Variants in MTUS2 observed in about 807,000 individuals in gnomAD.
The protein encoded by MTUS2 is microtubule-associated tumor suppressor candidate 2.
Under a neutral mutation model 114.1 loss-of-function variants are expected in MTUS2, and 40 were observed. That is an observed-to-expected ratio of 0.35 (90% confidence interval 0.27 to 0.46). MTUS2 has a LOEUF of 0.46. Ranked by LOEUF, MTUS2 falls within the 20% of genes least tolerant of loss-of-function variation. The probability of loss-of-function intolerance (pLI) is 1.00; values close to 1 mark genes in which losing one functional copy is unlikely to be tolerated. For missense variants in MTUS2, 1,679 were observed against 1,705.4 expected (o/e 0.98, Z 0.27); for synonymous variants, 688 against 672.0 (o/e 1.02, Z -0.37).
chr13:29,297,482 AG>A (rs916051953), intron 6 of MTUS2, among the ~76,000 whole-genome samples: 32 of 152,320 alleles, frequency 2.1e-4, no homozygotes, highest in African/African-American at 7.5e-4. Flanking sequence ...ACTTCTTTGT[AG>A]CAGGAATCAA....
intron 2 of MTUS2, among the ~76,000 whole-genome samples, chr13:29,022,922 A>G (rs892883023): frequency 4.6e-5 from 7 of 152,212 alleles, no homozygotes; most frequent in Admixed American, 2.0e-4. Flanking sequence ...TTGTGCTGCA[A>G]ATACATAATA....
intron 9 of MTUS2, among the ~76,000 whole-genome samples, chr13:29,476,046 A>G (rs1880678579): frequency 6.6e-6 from 1 of 152,196 alleles, no homozygotes; most frequent in Admixed American, 6.5e-5. Flanking sequence ...TTTATCTTTT[A>G]TACCGTATTT....
intron 10 of MTUS2, chr13:29,484,889 C>G (rs1881482213): frequency 6.6e-6 from 1 of 152,266 alleles, no homozygotes; most frequent in Non-Finnish European, 1.5e-5. Context: ...GGGTGGTCTT[C>G]CAACCCTGTG....
In MTUS2 at chr13:29,327,410, C is replaced by T. The variant is rs138648593; in HGVS notation, c.2905+2699C>T. 2.4e-3 allele frequency among the ~76,000 whole-genome samples: 363 copies of T among 152,228 alleles called. 2 individuals carry two copies. The highest frequency in any genetic ancestry group is 8.4e-3 in the African/African-American group (349 of 41,512). On this transcript the variant is annotated intron_variant, in intron 7 of 15. Transcript: ENST00000612955. ...ACCACCTGCCTACCATTCTACACCC[C>T]CACCCCAAACCCCAGACAACCACTG...
rs1249732736 is a variant in MTUS2 at position 29,389,536 on chromosome 13, CGTGTGT to C, written c.3117+30064_3117+30069del. ...GTGTGTATGTGTATATATGTATACACGTGTGTATATGTATACACGTGTGTATATGTG... is the reference window on the plus strand; with the variant it reads ...GTGTGTATGTGTATATATGTATACACATATGTATACACGTGTGTATATGTG... On this transcript the variant is annotated intron_variant, in intron 8 of 15. Transcript: ENST00000612955. 2.0e-3 allele frequency among the ~76,000 whole-genome samples: 152 copies of C among 77,700 alleles called. 15 individuals carry two copies. In the East Asian group the frequency reaches 0.043, roughly 22 times the overall value. 51.0% of individuals were successfully genotyped at this position (77,700 alleles called of 152,430 possible).
At chr13:29,389,355 A>ACACATATGTGTG (rs1566172568) in intron 8 of MTUS2, among the ~76,000 whole-genome samples, 7 of 82,662 alleles carry the variant, frequency 8.5e-5, no homozygotes, top group Non-Finnish European at 1.1e-4. Context: ...GTGTGTGTAT[A>ACACATATGTGTG]TATGTATGCA....
At chr13:29,169,308 C>T (rs1410131537) in intron 5 of MTUS2, among the ~76,000 whole-genome samples, 1 of 152,032 alleles carries the variant, frequency 6.6e-6, no homozygotes, top group Non-Finnish European at 1.5e-5. Flanking sequence ...AAAAGAAGCA[C>T]ATTGGTAGTA....
At chr13:28,848,245 A>G (rs1445232068) in intron 2 of MTUS2, among the ~76,000 whole-genome samples, 2 of 152,200 alleles carry the variant, frequency 1.3e-5, no homozygotes, top group Non-Finnish European at 2.9e-5. Flanking sequence ...GTATAGCCCA[A>G]TATACAAACA....
intron 2 of MTUS2, among the ~76,000 whole-genome samples, chr13:28,920,372 A>G (rs1880976220): frequency 6.6e-6 from 1 of 152,212 alleles, no homozygotes; most frequent in Admixed American, 6.5e-5. Flanking sequence ...TCTGGATTCC[A>G]GGCAGAGTCT....
intron 2 of MTUS2, among the ~76,000 whole-genome samples, chr13:28,922,283 T>C (rs572191845): frequency 4.6e-5 from 7 of 152,190 alleles, no homozygotes; most frequent in Admixed American, 2.0e-4. Flanking sequence ...CCTTTTTTCT[T>C]TATAAGTTAC....
intron 6 of MTUS2, among the ~76,000 whole-genome samples, chr13:29,310,787 A>C (rs1005451576): frequency 6.6e-6 from 1 of 152,210 alleles, no homozygotes; most frequent in Non-Finnish European, 1.5e-5. Context: ...TGCTGGTGGG[A>C]AAGGAGAAAT....
At chr13:28,896,068 C>T (rs1353317927) in intron 2 of MTUS2, among the ~76,000 whole-genome samples, 2 of 152,052 alleles carry the variant, frequency 1.3e-5, no homozygotes, top group Admixed American at 6.6e-5. Context: ...CTCTGGGCAG[C>T]ATGTGATTGA....
At chr13:29,232,618 A>C (rs1401754889) in intron 5 of MTUS2, among the ~76,000 whole-genome samples, 1 of 152,206 alleles carries the variant, frequency 6.6e-6, no homozygotes, top group Non-Finnish European at 1.5e-5. Context: ...AGTTTGCTTA[A>C]GTGGCTTATT....
chr13:29,158,381 T>G (rs1383249546), intron 5 of MTUS2, among the ~76,000 whole-genome samples: 1 of 141,754 alleles, frequency 7.1e-6, no homozygotes, highest in Non-Finnish European at 1.5e-5. Flanking sequence ...TTTTTTTTTT[T>G]GCTAATTAGC....
At chr13:29,310,305 G>A (rs1480828698) in intron 6 of MTUS2, among the ~76,000 whole-genome samples, 1 of 152,154 alleles carries the variant, frequency 6.6e-6, no homozygotes, top group African/African-American at 2.4e-5. Flanking sequence ...GAATGTCTGG[G>A]CCCTTAATCA....
Position 28,947,899 on chromosome 13 carries a change from A to G in MTUS2, c.-242-76558A>G, listed in dbSNP as rs2138160960. On this transcript the variant is annotated intron_variant, in intron 2 of 15. Transcript: ENST00000612955. Reference sequence around the variant, plus strand: ...CCATTAAAACTTTTTAATACATGGGATGTTTGGCCACATGGTTATTTTTTG... The same window carrying G: ...CCATTAAAACTTTTTAATACATGGGGTGTTTGGCCACATGGTTATTTTTTG... Among the ~76,000 whole-genome samples, 2 of 152,192 alleles carry G rather than the reference A, an allele frequency of 1.3e-5. 1 individual carries two copies. The highest frequency in any genetic ancestry group is 4.1e-4 in the South Asian group (2 of 4,826).
intron 5 of MTUS2, among the ~76,000 whole-genome samples, chr13:29,259,378 C>T (rs180970970): frequency 3.1e-4 from 47 of 152,224 alleles, no homozygotes; most frequent in Non-Finnish European, 4.9e-4. Context: ...TTCAAGTTCA[C>T]GAGGGACTGA....
At chr13:29,083,809 A>G (rs77907342) in intron 4 of MTUS2, among the ~76,000 whole-genome samples, 3,544 of 152,252 alleles carry the variant, frequency 0.023, 132 homozygotes, top group African/African-American at 0.079. Flanking sequence ...TGCCAAGCCA[A>G]TTTTGTATAT....
At chr13:29,066,826 A>T (rs1482590775) in intron 4 of MTUS2, among the ~76,000 whole-genome samples, 4 of 152,264 alleles carry the variant, frequency 2.6e-5, no homozygotes, top group African/African-American at 9.6e-5. Context: ...AGACATGTGC[A>T]GAATGCACAG....
Sources: gnomAD v4.1 joint callset for allele counts (sites outside exome capture counted in the v4.1 genomes callset) on GRCh38, gnomAD v4.1.1 for gene constraint, MANE v1.5 for transcripts, NCBI Gene and HGNC (gene_info 2026-07-23, HGNC 2026-07-21) for gene names.